DIP2C: variants seen among roughly 807,000 people sequenced by gnomAD.
DIP2C encodes DIP2 acetate--CoA ligase C (putative).
DIP2C carries 33 observed loss-of-function variants against 192.4 expected under a neutral mutation model. The observed-to-expected ratio is 0.17, with a 90% CI of 0.13 to 0.23. The LOEUF (loss-of-function observed/expected upper bound fraction) is 0.23, where lower values mean the gene tolerates loss of function less well. DIP2C is among the 10% of genes least tolerant of loss of function. DIP2C has a pLI of 1.00. For missense variants in DIP2C, 1,537 were observed against 2,110.1 expected (o/e 0.73, Z 5.32); for synonymous variants, 979 against 864.1 (o/e 1.13, Z -2.33).
chr10:297,468 A>G (rs369439505), intron 32 of DIP2C, among the ~76,000 whole-genome samples: 14 of 152,314 alleles, frequency 9.2e-5, no homozygotes, highest in African/African-American at 3.4e-4. Context: ...GGTGTGGTAT[A>G]TAACATTGAA....
intron 1 of DIP2C, among the ~76,000 whole-genome samples, chr10:618,597 CTACT>C (rs1853627166): frequency 3.2e-5 from 2 of 62,794 alleles, no homozygotes; most frequent in African/African-American, 5.7e-5. Context: ...TTAGTCATGA[CTACT>C]AAATAATGAT....
At chr10:602,271 C>T (rs532595503) in intron 1 of DIP2C, among the ~76,000 whole-genome samples, 21 of 152,170 alleles carry the variant, frequency 1.4e-4, no homozygotes, top group Non-Finnish European at 2.6e-4. Flanking sequence ...CTTCTTGCAC[C>T]GAACCCCAAC....
chr10:320,570 G>C (rs1378086376), intron 31 of DIP2C, among the ~76,000 whole-genome samples: 1 of 151,944 alleles, frequency 6.6e-6, no homozygotes, highest in Non-Finnish European at 1.5e-5. Context: ...ATCCAGAAGT[G>C]ACTGTGATGA....
At chr10:471,930 T>C (rs1193943835) in intron 3 of DIP2C, among the ~76,000 whole-genome samples, 1 of 152,170 alleles carries the variant, frequency 6.6e-6, no homozygotes, top group Non-Finnish European at 1.5e-5. Flanking sequence ...CTAAGTTTTC[T>C]GTTGCTAAAT....
At chr10:300,092 A>C (rs1328914083) in intron 32 of DIP2C, among the ~76,000 whole-genome samples, 3 of 152,198 alleles carry the variant, frequency 2.0e-5, no homozygotes, top group African/African-American at 7.2e-5. Flanking sequence ...GGCTGTGGAA[A>C]ACAGTATGGC....
At chr10:438,404 TGTTA>T (rs1421293868) in intron 4 of DIP2C, among the ~76,000 whole-genome samples, 3 of 152,264 alleles carry the variant, frequency 2.0e-5, no homozygotes, top group Non-Finnish European at 4.4e-5. Flanking sequence ...AAGTCCATTT[TGTTA>T]GTTACACAAA....
chr10:311,193 G>T (rs1956550990), intron 31 of DIP2C, among the ~76,000 whole-genome samples: 1 of 152,108 alleles, frequency 6.6e-6, no homozygotes, highest in Non-Finnish European at 1.5e-5. Context: ...CCGCCCCACA[G>T]ACCAGCGCTG....
At chr10:608,864 T>C (rs1385213376) in intron 1 of DIP2C, among the ~76,000 whole-genome samples, 1 of 151,302 alleles carries the variant, frequency 6.6e-6, no homozygotes, top group Non-Finnish European at 1.5e-5. Flanking sequence ...CGAGTCAGCA[T>C]ATAAAAGATC....
intron 1 of DIP2C, among the ~76,000 whole-genome samples, chr10:510,013 A>C (rs1845901930): frequency 6.6e-6 from 1 of 152,238 alleles, no homozygotes; most frequent in East Asian, 1.9e-4. Flanking sequence ...CACGGGGTGC[A>C]GCGCGGCCTG....
chr10:370,040 T>TC, intron 17 of DIP2C: 5 of 985,414 alleles, frequency 5.1e-6, no homozygotes, highest in Non-Finnish European at 3.6e-6. Context: ...GGGTGGTGCA[T>TC]CCACTCCAAG....
intron 31 of DIP2C, chr10:311,436 A>G: frequency 9.3e-7 from 1 of 1,074,618 alleles, no homozygotes; most frequent in Non-Finnish European, 1.2e-6. Context: ...CCCCCGGCCA[A>G]TCTCTGCACT....
rs573228680 is a variant in DIP2C at position 288,945 on chromosome 10, C to T, written c.3987-524G>A. Among the ~76,000 whole-genome samples, 12 of 152,354 alleles carry T rather than the reference C, an allele frequency of 7.9e-5. No individual in the cohort carries two copies. In the South Asian group the frequency reaches 2.5e-3, roughly 32 times the overall value. On this transcript the variant is annotated intron_variant, in intron 32 of 36. Coordinates refer to ENST00000280886, the MANE Select transcript of DIP2C (RefSeq NM_014974.3). Reference sequence around the variant, plus strand: ...AAAGAAACTCTTACTTCAAAGAATACATAATGATAATTTAATCTTAAGAAC... The same window carrying T: ...AAAGAAACTCTTACTTCAAAGAATATATAATGATAATTTAATCTTAAGAAC...
intron 1 of DIP2C, among the ~76,000 whole-genome samples, chr10:576,437 C>T (rs1321729197): frequency 2.6e-5 from 4 of 152,230 alleles, no homozygotes; most frequent in East Asian, 1.9e-4. Flanking sequence ...CCACAAGTCC[C>T]GTATCTAAGC....
chr10:673,509 C>G (rs768854705), intron 1 of DIP2C, among the ~76,000 whole-genome samples: 21 of 152,170 alleles, frequency 1.4e-4, no homozygotes, highest in Non-Finnish European at 2.9e-4. Flanking sequence ...AGGAGCAAAT[C>G]ATAACAATCA....
chr10:336,268 G>A (rs1156302284), intron 29 of DIP2C, among the ~76,000 whole-genome samples: 2 of 152,150 alleles, frequency 1.3e-5, no homozygotes, highest in African/African-American at 4.8e-5. Flanking sequence ...TCAAGGATGG[G>A]TCCGTGTACA....
At position 419,177 on chromosome 10, in the gene DIP2C, G is replaced by A. The variant is rs143857501; in HGVS notation, c.627C>T (p.Asp209=). ...AGTGCTCTGAGGTGTACGTGGTTAC[G>A]TCAGGAGGTGCAGAATGATTTTCTG... ...THIENHSAPP[D]VTTYTSEHSI... is the part of the protein sequence containing the mutation. Residue 209 remains aspartate, a synonymous_variant, in exon 6 of 37, where the codon GAC becomes GAT. Transcript: ENST00000280886. The A allele has an allele frequency of 1.6e-4, 262 of 1,614,256 alleles. 1 individual carries two copies. Among genetic ancestry groups the A allele is most frequent in the African/African-American group, 1.1e-3 (80 of 75,070 alleles).
intron 1 of DIP2C, among the ~76,000 whole-genome samples, chr10:571,466 A>ATC: frequency 6.7e-6 from 1 of 149,242 alleles, no homozygotes; most frequent in Admixed American, 6.6e-5. Flanking sequence ...CTCCTCCTGC[A>ATC]TCCCCCCTCC....
chr10:288,559 T>G lies in DIP2C; in HGVS notation c.3987-138A>C, dbSNP rs116305251. 1.4e-3 allele frequency: 1,266 copies of G among 880,896 alleles called. 6 individuals carry two copies. The African/African-American group carries it at 0.015, about 11-fold the overall frequency. The allele number at this position is 880,896 out of a possible 1,614,324, so 54.6% of individuals were successfully genotyped here. ...CATCATCCAACAGCAAGGACGAAGC[T>G]GCAGAAAGAGCAGCCCAGCAGCAGA... On this transcript the variant is annotated intron_variant, in intron 32 of 36. Transcript: ENST00000280886.
At chr10:400,239 C>G (rs1304536043) in intron 9 of DIP2C, among the ~76,000 whole-genome samples, 1 of 152,090 alleles carries the variant, frequency 6.6e-6, no homozygotes, top group Non-Finnish European at 1.5e-5. Context: ...CCCAGGCTGG[C>G]CTCAAACTCC....
Sources: gnomAD v4.1 joint callset for allele counts (sites outside exome capture counted in the v4.1 genomes callset) on GRCh38, gnomAD v4.1.1 for gene constraint, MANE v1.5 for transcripts, NCBI Gene and HGNC (gene_info 2026-07-23, HGNC 2026-07-21) for gene names.